The following NUP210L variants were observed in gnomAD, a reference collection of about 807,000 sequenced individuals.
NUP210L encodes nuclear pore membrane glycoprotein 210-like.
A neutral mutation model predicts 208.5 loss-of-function variants in NUP210L; 74 were observed. The observed-to-expected ratio is 0.35, with a 90% CI of 0.29 to 0.43. The LOEUF (loss-of-function observed/expected upper bound fraction) is 0.43, where lower values mean the gene tolerates loss of function less well. Ranked by LOEUF, NUP210L falls within the 20% of genes least tolerant of loss-of-function variation. The pLI is 1.00. For missense variants in NUP210L, 1,843 were observed against 2,289.4 expected (o/e 0.81, Z 3.98); for synonymous variants, 780 against 816.9 (o/e 0.95, Z 0.77).
intron 10 of NUP210L, among the ~76,000 whole-genome samples, chr1:154,124,007 C>A (rs543240452): frequency 4.6e-5 from 7 of 151,396 alleles, no homozygotes; most frequent in African/African-American, 1.7e-4. Context: ...TATGGTGAAA[C>A]CCCCATCTCT....
chr1:153,995,026 A>G, intron 38 of NUP210L, 50 bp downstream of exon 38: 2 of 1,233,724 alleles, frequency 1.6e-6, no homozygotes, highest in Non-Finnish European at 2.3e-6. Context: ...AAAAAAAAAA[A>G]AAGGCAGTTT....
intron 15 of NUP210L, 106 bp downstream of exon 15, chr1:154,094,829 T>G (rs948626884): frequency 2.6e-6 from 2 of 777,446 alleles, no homozygotes; most frequent in African/African-American, 3.5e-5. Flanking sequence ...ATTTTCCTAT[T>G]TAGTCCATAA....
At chr1:154,120,883 G>A (rs1291713505) in intron 10 of NUP210L, among the ~76,000 whole-genome samples, 1 of 117,610 alleles carries the variant, frequency 8.5e-6, no homozygotes, top group Non-Finnish European at 1.7e-5. Flanking sequence ...GAGACAGGGC[G>A]AGACTCTGTC....
intron 3 of NUP210L, among the ~76,000 whole-genome samples, chr1:154,141,832 A>G (rs1471332494): frequency 1.3e-5 from 2 of 152,164 alleles, no homozygotes; most frequent in African/African-American, 4.8e-5. Flanking sequence ...TTGACAAAGC[A>G]TCCTTAATCC....
At chr1:154,128,214 G>A (rs947901133) in intron 8 of NUP210L, among the ~76,000 whole-genome samples, 3 of 152,120 alleles carry the variant, frequency 2.0e-5, no homozygotes, top group African/African-American at 7.2e-5. Flanking sequence ...GGCTTGGCCT[G>A]GTGGCTCATG....
intron 2 of NUP210L, among the ~76,000 whole-genome samples, chr1:154,152,090 CAAAAAAAAAAA>C (rs745735321): frequency 9.6e-6 from 1 of 103,916 alleles, no homozygotes; most frequent in Non-Finnish European, 1.9e-5. Context: ...AACTCCGTCT[CAAAAAAAAAAA>C]AAAAAAGAAA....
chr1:154,094,903 A>G, intron 15 of NUP210L, 32 bp downstream of exon 15: 1 of 1,530,464 alleles, frequency 6.5e-7, no homozygotes, highest in East Asian at 2.2e-5. Flanking sequence ...GTATTACACT[A>G]AAGAAAATGT....
intron 17 of NUP210L, among the ~76,000 whole-genome samples, chr1:154,066,340 C>T (rs552391217): frequency 2.6e-5 from 4 of 152,238 alleles, no homozygotes; most frequent in Admixed American, 1.3e-4. Flanking sequence ...TCGCTGGGCG[C>T]GGTGGCTCAC....
intron 37 of NUP210L, among the ~76,000 whole-genome samples, chr1:153,997,152 T>C (rs1417190228): frequency 1.3e-5 from 2 of 151,778 alleles, no homozygotes. Flanking sequence ...TTAGTAGAGA[T>C]GGGTTTTCAC....
intron 20 of NUP210L, 56 bp downstream of exon 20, chr1:154,060,484 C>T: frequency 9.2e-7 from 1 of 1,082,668 alleles, no homozygotes. Flanking sequence ...TTTCCAATCT[C>T]CTCAGAATGA....
intron 35 of NUP210L, among the ~76,000 whole-genome samples, chr1:154,002,998 T>G (rs1247745356): frequency 6.7e-6 from 1 of 149,998 alleles, no homozygotes; most frequent in Non-Finnish European, 1.5e-5. Flanking sequence ...CCATGATTAA[T>G]CCTTAGCTGT....
chr1:154,123,555 TATA>T (rs1657720413), intron 10 of NUP210L, among the ~76,000 whole-genome samples: 1 of 152,204 alleles, frequency 6.6e-6, no homozygotes, highest in Admixed American at 6.6e-5. Context: ...CTGGTAAATC[TATA>T]ATAATTTCAA....
chr1:154,070,123 C>A, intron 17 of NUP210L, 150 bp downstream of exon 17: 1 of 603,854 alleles, frequency 1.7e-6, no homozygotes, highest in South Asian at 2.4e-5. Context: ...ATGGGTGCAG[C>A]AAACCAACAT....
Position 154,081,414 on chromosome 1 carries a change from C to G in NUP210L, c.2361+8007G>C, listed in dbSNP as rs187711915. Among the ~76,000 whole-genome samples, 10 of 152,188 alleles carry G rather than the reference C, an allele frequency of 6.6e-5. No individual in the cohort carries two copies. In the East Asian group the frequency reaches 1.9e-3, roughly 29 times the overall value. ...CAGTTCCTGGGAGGTAACCCCTAAA[C>G]CTTTGGAATTTCTTGAGTAATAGGA... On this transcript the variant is annotated intron_variant, in intron 16 of 39. Coordinates refer to ENST00000368559, the Ensembl canonical transcript of NUP210L.
chr1:154,046,198 C>T (rs1653167921), exon 27 of NUP210L: 2 of 1,613,960 alleles, frequency 1.2e-6, no homozygotes, highest in African/African-American at 2.7e-5. Context: ...CATAAACTGG[C>T]ATCTGAAAAT....
At chr1:154,124,704 C>T (rs1262727706) in intron 10 of NUP210L, among the ~76,000 whole-genome samples, 1 of 152,184 alleles carries the variant, frequency 6.6e-6, no homozygotes, top group Non-Finnish European at 1.5e-5. Context: ...GTAATCTCAA[C>T]ATTTTGGGAC....
intron 5 of NUP210L, among the ~76,000 whole-genome samples, chr1:154,139,280 A>G: frequency 6.6e-6 from 1 of 152,220 alleles, no homozygotes; most frequent in East Asian, 1.9e-4. Flanking sequence ...TCATGGTCAA[A>G]GAAAGGCCTT....
intron 20 of NUP210L, among the ~76,000 whole-genome samples, chr1:154,060,232 C>T (rs1654064291): frequency 6.6e-6 from 1 of 152,142 alleles, no homozygotes; most frequent in African/African-American, 2.4e-5. Flanking sequence ...GAGCGAGACT[C>T]TATCTCAATA....
chr1:154,056,942 A>G, exon 23 of NUP210L: 1 of 1,609,054 alleles, frequency 6.2e-7, no homozygotes, highest in Non-Finnish European at 8.5e-7. Flanking sequence ...CTGTTGCTCC[A>G]TTGGTCTGCA....
Sources: allele counts gnomAD v4.1 joint callset (sites outside exome capture counted in the v4.1 genomes callset), GRCh38; gene constraint gnomAD v4.1.1; transcripts MANE v1.5; gene names NCBI Gene and HGNC (gene_info 2026-07-23, HGNC 2026-07-21).